CLSTN2: variants seen among roughly 807,000 people sequenced by gnomAD.
The protein encoded by CLSTN2 is calsyntenin-2.
Under a neutral mutation model 101.2 loss-of-function variants are expected in CLSTN2, and 48 were observed. That is an observed-to-expected ratio of 0.47 (90% CI 0.38 to 0.60). The LOEUF (loss-of-function observed/expected upper bound fraction) is 0.60, where lower values mean the gene tolerates loss of function less well. CLSTN2 is among the 20% of genes least tolerant of loss of function. The probability of loss-of-function intolerance (pLI) is 0.00; values close to 1 mark genes in which losing one functional copy is unlikely to be tolerated. For missense variants in CLSTN2, 1,160 were observed against 1,238.2 expected, an observed-to-expected ratio of 0.94 and a Z score of 0.95; for synonymous variants, 481 against 463.6, an observed-to-expected ratio of 1.04 and a Z score of -0.48.
intron 1 of CLSTN2, among the ~76,000 whole-genome samples, chr3:140,117,316 C>G (rs529200657): frequency 1.3e-5 from 2 of 152,318 alleles, no homozygotes; most frequent in East Asian, 3.9e-4. Flanking sequence ...CTTGATCCAG[C>G]ACATGGGGTG....
At chr3:140,511,716 A>ATTTTT (rs34793896) in intron 8 of CLSTN2, among the ~76,000 whole-genome samples, 28 of 142,438 alleles carry the variant, frequency 2.0e-4, no homozygotes, top group Admixed American at 4.2e-4. Context: ...CACCTGGCTA[A>ATTTTT]TTTTTTTTTT....
chr3:140,307,589 C>T (rs755026503), intron 2 of CLSTN2, among the ~76,000 whole-genome samples: 13 of 152,208 alleles, frequency 8.5e-5, no homozygotes, highest in Non-Finnish European at 1.9e-4. Context: ...TACTTAGTCA[C>T]ATCCATGGGA....
chr3:139,970,663 G>T (rs532981849), intron 1 of CLSTN2, among the ~76,000 whole-genome samples: 1 of 152,284 alleles, frequency 6.6e-6, no homozygotes, highest in African/African-American at 2.4e-5. Context: ...ACCATAGTGG[G>T]CCCTCTGCCC....
chr3:140,400,471 G>A (rs111715226), intron 2 of CLSTN2, among the ~76,000 whole-genome samples: 14 of 152,240 alleles, frequency 9.2e-5, no homozygotes, highest in African/African-American at 3.4e-4. Flanking sequence ...GAGGCCGACA[G>A]GAGAATGGCT....
intron 4 of CLSTN2, among the ~76,000 whole-genome samples, chr3:140,406,032 G>GA (rs2088298838): frequency 6.6e-6 from 1 of 152,104 alleles, no homozygotes; most frequent in Non-Finnish European, 1.5e-5. Context: ...TCATCTAGCA[G>GA]AAAAAAATAG....
chr3:140,462,884 G>C (rs1169356182), intron 7 of CLSTN2: 1 of 152,178 alleles, frequency 6.6e-6, no homozygotes, highest in Non-Finnish European at 1.5e-5. Context: ...GATTTTATTG[G>C]CCAGAATAGA....
At chr3:140,076,581 G>A (rs917823505) in intron 1 of CLSTN2, among the ~76,000 whole-genome samples, 4 of 140,526 alleles carry the variant, frequency 2.8e-5, no homozygotes, top group African/African-American at 1.1e-4. Context: ...AGGCAGACTT[G>A]CCTGCCCAAC....
intron 1 of CLSTN2, among the ~76,000 whole-genome samples, chr3:140,154,811 A>AT (rs1368798614): frequency 5.3e-5 from 8 of 151,678 alleles, no homozygotes; most frequent in Non-Finnish European, 1.0e-4. Flanking sequence ...CGCCCAGCTA[A>AT]TTTTTTGTAT....
chr3:140,451,320 A>G (rs1035196215), intron 6 of CLSTN2, among the ~76,000 whole-genome samples: 2 of 152,218 alleles, frequency 1.3e-5, no homozygotes, highest in African/African-American at 2.4e-5. Flanking sequence ...ATTGCATCTC[A>G]TATGTTAACA....
intron 8 of CLSTN2, among the ~76,000 whole-genome samples, chr3:140,473,821 G>A (rs375448025): frequency 3.9e-4 from 59 of 151,992 alleles, no homozygotes; most frequent in African/African-American, 1.3e-3. Flanking sequence ...GCAGTGGTGC[G>A]ATCTTGGCTC....
At chr3:140,059,359 G>A (rs929878058) in intron 1 of CLSTN2, among the ~76,000 whole-genome samples, 2 of 151,890 alleles carry the variant, frequency 1.3e-5, no homozygotes, top group African/African-American at 4.9e-5. Context: ...GAACTGTGCT[G>A]GGAACACAAG....
intron 1 of CLSTN2, among the ~76,000 whole-genome samples, chr3:139,977,756 A>G (rs7638844): frequency 0.016 from 2,488 of 152,300 alleles, 71 homozygotes; most frequent in African/African-American, 0.057. Context: ...TGGGCATTGC[A>G]GAAGAGCCAC....
At chr3:140,047,099 T>C (rs559490198) in intron 1 of CLSTN2, among the ~76,000 whole-genome samples, 3 of 152,332 alleles carry the variant, frequency 2.0e-5, no homozygotes, top group Admixed American at 2.0e-4. Context: ...TTCTTCAAGT[T>C]ACTTCCTCTT....
chr3:140,444,742 A>G (rs755914664), intron 5 of CLSTN2, among the ~76,000 whole-genome samples: 4 of 152,252 alleles, frequency 2.6e-5, no homozygotes, highest in Non-Finnish European at 4.4e-5. Context: ...CAAACTCTAC[A>G]GAAGAGGAAA....
intron 8 of CLSTN2, among the ~76,000 whole-genome samples, chr3:140,478,032 C>CT (rs1934024503): frequency 6.6e-6 from 1 of 152,136 alleles, no homozygotes. Flanking sequence ...GAGAGTTGAC[C>CT]TTACCTTCAT....
At chr3:140,547,789 GC>G (rs1254685852) in intron 10 of CLSTN2, among the ~76,000 whole-genome samples, 1 of 152,100 alleles carries the variant, frequency 6.6e-6, no homozygotes, top group Non-Finnish European at 1.5e-5. Flanking sequence ...TATCACTGTA[GC>G]CCCCACTCAA....
intron 11 of CLSTN2, among the ~76,000 whole-genome samples, chr3:140,557,389 G>T (rs1576626060): frequency 6.6e-6 from 1 of 152,300 alleles, no homozygotes; most frequent in Non-Finnish European, 1.5e-5. Flanking sequence ...CCCCGCAGAT[G>T]GTAGTTACAT....
chr3:140,135,115 C>CATAT (rs1560105560), intron 1 of CLSTN2, among the ~76,000 whole-genome samples: 8 of 52,050 alleles, frequency 1.5e-4, no homozygotes, highest in African/African-American at 4.9e-4. Context: ...CACACACACA[C>CATAT]ACATATATAT....
chr3:140,410,591 C>T (rs1396142039), intron 4 of CLSTN2, among the ~76,000 whole-genome samples: 1 of 152,002 alleles, frequency 6.6e-6, no homozygotes, highest in Non-Finnish European at 1.5e-5. Flanking sequence ...AAGGATGCTC[C>T]TTGTTAATAC....
Sources: gnomAD v4.1 joint callset for allele counts (sites outside exome capture counted in the v4.1 genomes callset) on GRCh38, gnomAD v4.1.1 for gene constraint, MANE v1.5 for transcripts, NCBI Gene and HGNC (gene_info 2026-07-23, HGNC 2026-07-21) for gene names.